Variants in ROBO1 observed in about 807,000 individuals in gnomAD.
ROBO1 encodes roundabout homolog 1.
Under a neutral mutation model 195.9 loss-of-function variants are expected in ROBO1, and 149 were observed. That is an observed-to-expected ratio of 0.76 (90% CI 0.67 to 0.87). The LOEUF (loss-of-function observed/expected upper bound fraction) is 0.87. Ranked by LOEUF, ROBO1 falls within the 40% of genes least tolerant of loss-of-function variation. The pLI is 0.00. For synonymous variants in ROBO1, 816 were observed against 733.2 expected (o/e 1.11, Z -1.82); for missense variants, 1,933 against 2,068.3 (o/e 0.93, Z 1.27).
intron 1 of ROBO1, among the ~76,000 whole-genome samples, chr3:79,606,916 A>C (rs1203652665): frequency 3.3e-5 from 5 of 151,982 alleles, no homozygotes; most frequent in Non-Finnish European, 5.9e-5. Context: ...ATTTAGCAGG[A>C]CCATCAATGT....
chr3:79,666,537 G>C (rs948471757), intron 1 of ROBO1, among the ~76,000 whole-genome samples: 1 of 151,808 alleles, frequency 6.6e-6, no homozygotes, highest in Non-Finnish European at 1.5e-5. Context: ...AATCGTGGGG[G>C]CAGTTCCCCT....
intron 1 of ROBO1, among the ~76,000 whole-genome samples, chr3:79,713,494 G>C (rs1469351610): frequency 1.3e-5 from 2 of 152,222 alleles, no homozygotes; most frequent in Admixed American, 6.6e-5. Context: ...ACTTAGAAGA[G>C]TTTAAGCCTT....
intron 3 of ROBO1, among the ~76,000 whole-genome samples, chr3:79,042,924 T>C (rs2078515433): frequency 6.6e-6 from 1 of 152,138 alleles, no homozygotes; most frequent in South Asian, 2.1e-4. Flanking sequence ...TTTCCCAAGC[T>C]CTTAATAAAC....
chr3:79,147,767 A>G (rs1361950758), intron 2 of ROBO1, among the ~76,000 whole-genome samples: 1 of 151,992 alleles, frequency 6.6e-6, no homozygotes, highest in Non-Finnish European at 1.5e-5. Flanking sequence ...GTCAAACTGA[A>G]CACGGAATTT....
intron 2 of ROBO1, among the ~76,000 whole-genome samples, chr3:79,305,896 C>T (rs1444538533): frequency 2.6e-5 from 4 of 151,622 alleles, no homozygotes; most frequent in Non-Finnish European, 4.4e-5. Flanking sequence ...AAATTTTCAA[C>T]GTAATGTAAG....
chr3:78,754,004 CAG>C (rs530251735), intron 4 of ROBO1, among the ~76,000 whole-genome samples: 1 of 152,046 alleles, frequency 6.6e-6, no homozygotes, highest in Non-Finnish European at 1.5e-5. Flanking sequence ...GAATCAGAAA[CAG>C]AAGTCTAGAA....
intron 1 of ROBO1, among the ~76,000 whole-genome samples, chr3:79,603,119 C>T (rs945756779): frequency 1.3e-5 from 2 of 151,890 alleles, no homozygotes; most frequent in African/African-American, 4.8e-5. Context: ...AAAATTAGGA[C>T]CCCATATTAT....
At chr3:78,728,314 CG>C (rs2082211046) in intron 5 of ROBO1, among the ~76,000 whole-genome samples, 2 of 152,082 alleles carry the variant, frequency 1.3e-5, no homozygotes, top group African/African-American at 4.8e-5. Context: ...CACAGGCTGT[CG>C]GGTAAACTTG....
chr3:78,665,129 C>T (rs529401713), intron 14 of ROBO1, among the ~76,000 whole-genome samples: 3 of 152,268 alleles, frequency 2.0e-5, no homozygotes, highest in Admixed American at 6.5e-5. Flanking sequence ...GCGGCCTCAT[C>T]GACTATCCCT....
chr3:79,303,480 G>A (rs1205659880), intron 2 of ROBO1, among the ~76,000 whole-genome samples: 2 of 151,932 alleles, frequency 1.3e-5, no homozygotes, highest in East Asian at 3.9e-4. Context: ...TATCATTTTT[G>A]TGGTGAGAAT....
intron 3 of ROBO1, among the ~76,000 whole-genome samples, chr3:79,083,261 A>G (rs1019540443): frequency 2.0e-5 from 3 of 152,194 alleles, no homozygotes; most frequent in Non-Finnish European, 4.4e-5. Context: ...GACATGAAGA[A>G]AAAAACAAAA....
intron 1 of ROBO1, among the ~76,000 whole-genome samples, chr3:79,693,581 A>C (rs1343209327): frequency 1.3e-5 from 2 of 151,590 alleles, no homozygotes; most frequent in Non-Finnish European, 2.9e-5. Context: ...ACAGTTGTAC[A>C]CTACCATGCT....
At chr3:78,879,772 C>T (rs1322797171) in intron 4 of ROBO1, among the ~76,000 whole-genome samples, 1 of 152,068 alleles carries the variant, frequency 6.6e-6, no homozygotes, top group Non-Finnish European at 1.5e-5. Context: ...CTTGTTTTTC[C>T]TTGATGTGCA....
intron 3 of ROBO1, among the ~76,000 whole-genome samples, chr3:78,948,665 G>A (rs1247636834): frequency 6.6e-6 from 1 of 152,204 alleles, no homozygotes; most frequent in East Asian, 1.9e-4. Context: ...TTCTGGCCAG[G>A]GCAATCAGGC....
chr3:79,489,431 G>A (rs929437164), intron 2 of ROBO1, among the ~76,000 whole-genome samples: 3 of 151,896 alleles, frequency 2.0e-5, no homozygotes, highest in Non-Finnish European at 2.9e-5. Flanking sequence ...CGAGGTGGGC[G>A]GATCACGAGG....
intron 5 of ROBO1, among the ~76,000 whole-genome samples, chr3:78,721,528 T>C (rs1350457319): frequency 6.6e-6 from 1 of 152,126 alleles, no homozygotes; most frequent in Non-Finnish European, 1.5e-5. Flanking sequence ...GCTGAAAGAA[T>C]TGTACAATGA....
chr3:79,052,334 G>A (rs1431460656), intron 3 of ROBO1, among the ~76,000 whole-genome samples: 2 of 152,010 alleles, frequency 1.3e-5, no homozygotes, highest in African/African-American at 2.4e-5. Flanking sequence ...TGAAATTTTA[G>A]TCAGACTGGT....
At chr3:79,634,482 A>G (rs1945438784) in intron 1 of ROBO1, among the ~76,000 whole-genome samples, 1 of 152,144 alleles carries the variant, frequency 6.6e-6, no homozygotes, top group Non-Finnish European at 1.5e-5. Flanking sequence ...CATTATCATA[A>G]GGCTCTTTCT....
Position 78,714,409 on chromosome 3 carries a change from G to C in ROBO1, c.1033C>G (p.Leu345Val), listed in dbSNP as rs1401548321. The change falls in exon 8 of 31, where the codon CTG becomes GTG. Residue 345 changes from leucine to valine, a missense_variant. Transcript: ENST00000464233. ...TCCCAATGCCTACCTTGAACAGTCA[G>C]AGTAGCAGATGCTTCAGCTTTGCCC... ...MVGKAEASAT[L>V]TVQEPPHFVV... is the part of the protein sequence containing the mutation. 1 of 1,612,854 alleles carries C rather than the reference G, an allele frequency of 6.2e-7. No individual in the cohort carries two copies.
Sources: gnomAD v4.1 joint callset for allele counts (sites outside exome capture counted in the v4.1 genomes callset) on GRCh38, gnomAD v4.1.1 for gene constraint, MANE v1.5 for transcripts, NCBI Gene and HGNC (gene_info 2026-07-23, HGNC 2026-07-21) for gene names.